AK5: variants seen among roughly 807,000 people sequenced by gnomAD.
AK5 encodes the protein adenylate kinase 5.
Under a neutral mutation model 69.5 loss-of-function variants are expected in AK5, and 27 were observed. The observed-to-expected ratio is 0.39, with a 90% CI of 0.29 to 0.54. AK5 has a LOEUF of 0.54. AK5 is among the 20% of genes least tolerant of loss of function. The pLI is 0.71. For synonymous variants in AK5, 260 were observed against 244.4 expected (o/e 1.06, Z -0.60); for missense variants, 531 against 700.4 (o/e 0.76, Z 2.73).
At chr1:77,459,548 T>C (rs1653701067) in intron 8 of AK5, among the ~76,000 whole-genome samples, 1 of 152,236 alleles carries the variant, frequency 6.6e-6, no homozygotes. Context: ...CACAGTCTGC[T>C]GGGCCCCATC....
At chr1:77,494,749 G>A (rs1329363385) in intron 10 of AK5, among the ~76,000 whole-genome samples, 1 of 151,372 alleles carries the variant, frequency 6.6e-6, no homozygotes, top group Non-Finnish European at 1.5e-5. Flanking sequence ...GTGACTTACT[G>A]TGTTCCAGAT....
intron 6 of AK5, among the ~76,000 whole-genome samples, chr1:77,383,750 G>C (rs191117968): frequency 6.6e-6 from 1 of 152,046 alleles, no homozygotes; most frequent in Non-Finnish European, 1.5e-5. Flanking sequence ...ATGAAATATA[G>C]AGATATGTTA....
intron 13 of AK5, among the ~76,000 whole-genome samples, chr1:77,541,696 A>G (rs1010564283): frequency 6.6e-6 from 1 of 152,184 alleles, no homozygotes; most frequent in African/African-American, 2.4e-5. Flanking sequence ...AAAGGCTCAC[A>G]GTGCTCCCTA....
intron 5 of AK5, among the ~76,000 whole-genome samples, chr1:77,336,142 C>T (rs918015905): frequency 3.6e-5 from 5 of 140,770 alleles, no homozygotes; most frequent in Non-Finnish European, 7.5e-5. Flanking sequence ...AGTGCAGTGG[C>T]GCGATCTCAT....
At chr1:77,467,569 A>AT (rs555687882) in intron 8 of AK5, among the ~76,000 whole-genome samples, 3 of 152,018 alleles carry the variant, frequency 2.0e-5, no homozygotes, top group African/African-American at 2.4e-5. Context: ...TTCATACCTG[A>AT]TTTTTTTTCT....
chr1:77,552,844 C>T (rs547020805), intron 13 of AK5, among the ~76,000 whole-genome samples: 2 of 152,240 alleles, frequency 1.3e-5, no homozygotes, highest in East Asian at 3.9e-4. Flanking sequence ...TCAAGCCCAG[C>T]CTGGGCAACA....
intron 2 of AK5, among the ~76,000 whole-genome samples, chr1:77,290,075 G>A (rs1472720713): frequency 1.3e-5 from 2 of 152,092 alleles, no homozygotes; most frequent in African/African-American, 4.8e-5. Flanking sequence ...CATACCTACT[G>A]ATACTTTACC....
chr1:77,483,514 C>T (rs926468168), intron 9 of AK5, among the ~76,000 whole-genome samples, 155 bp downstream of exon 9: 3 of 152,134 alleles, frequency 2.0e-5, no homozygotes, highest in Admixed American at 6.5e-5. Context: ...TTGGGTCTTT[C>T]CTGCCTCCAT....
intron 6 of AK5, among the ~76,000 whole-genome samples, chr1:77,393,712 G>A (rs1355354783): frequency 6.6e-6 from 1 of 152,062 alleles, no homozygotes; most frequent in Non-Finnish European, 1.5e-5. Flanking sequence ...ATACCCACAT[G>A]ACACTATTTT....
intron 12 of AK5, among the ~76,000 whole-genome samples, chr1:77,526,608 T>TACAGGC (rs1658307207): frequency 1.3e-5 from 2 of 150,814 alleles, no homozygotes; most frequent in Admixed American, 6.6e-5. Flanking sequence ...CCCAAGTAGC[T>TACAGGC]GGGACTACAG....
chr1:77,298,812 G>T (rs1659168245), intron 5 of AK5, among the ~76,000 whole-genome samples: 1 of 152,048 alleles, frequency 6.6e-6, no homozygotes, highest in East Asian at 1.9e-4. Flanking sequence ...CTTCAGCCTG[G>T]GTGACACAGC....
At chr1:77,284,687 G>A (rs184056485) in intron 1 of AK5, among the ~76,000 whole-genome samples, 3 of 152,276 alleles carry the variant, frequency 2.0e-5, no homozygotes, top group Non-Finnish European at 4.4e-5. Flanking sequence ...CAATCAATTT[G>A]AATACTGTGG....
At chr1:77,465,596 T>C (rs1485431570) in intron 8 of AK5, among the ~76,000 whole-genome samples, 1 of 152,140 alleles carries the variant, frequency 6.6e-6, no homozygotes, top group South Asian at 2.1e-4. Context: ...CCTTAAATTT[T>C]CCCCTCAGAA....
At chr1:77,475,167 G>GTATATATATA (rs35137146) in intron 8 of AK5, among the ~76,000 whole-genome samples, 3 of 89,906 alleles carry the variant, frequency 3.3e-5, no homozygotes, top group East Asian at 2.6e-4. Context: ...GTGTGTGCAT[G>GTATATATATA]TATATATATA....
intron 8 of AK5, among the ~76,000 whole-genome samples, chr1:77,470,848 TATATATATATATATATATATATATATA>T (rs1261899023): frequency 0.13 from 1,620 of 12,626 alleles, 99 homozygotes; most frequent in African/African-American, 0.22. Flanking sequence ...TATATATATA[TATATATATATATATATATATATATATA>T]TTTTTTTTTT....
intron 13 of AK5, among the ~76,000 whole-genome samples, chr1:77,552,932 C>T (rs1223730021): frequency 4.6e-5 from 7 of 152,228 alleles, no homozygotes; most frequent in Non-Finnish European, 1.0e-4. Flanking sequence ...CTCAGCTAAT[C>T]AGGAGGCTGA....
chr1:77,405,001 C>T (rs568795481), intron 6 of AK5, among the ~76,000 whole-genome samples: 3 of 152,154 alleles, frequency 2.0e-5, no homozygotes, highest in South Asian at 2.1e-4. Flanking sequence ...AAAGTCTCAA[C>T]GTTTCTTATA....
intron 3 of AK5, among the ~76,000 whole-genome samples, chr1:77,294,650 A>G (rs1233467897): frequency 1.3e-5 from 2 of 152,194 alleles, no homozygotes; most frequent in African/African-American, 4.8e-5. Context: ...CTGAGTATTA[A>G]CCAAAATAAC....
At chr1:77,481,221 G>A (rs115654690) in intron 8 of AK5, among the ~76,000 whole-genome samples, 1,953 of 152,346 alleles carry the variant, frequency 0.013, 51 homozygotes, top group African/African-American at 0.044. Context: ...CTAAGGACAT[G>A]ACGGCATGGC....
Sources: gnomAD v4.1 joint callset for allele counts (sites outside exome capture counted in the v4.1 genomes callset) on GRCh38, gnomAD v4.1.1 for gene constraint, MANE v1.5 for transcripts, NCBI Gene and HGNC (gene_info 2026-07-23, HGNC 2026-07-21) for gene names.